The following DYNC2I1 variants were observed in gnomAD, a reference collection of about 807,000 sequenced individuals.
DYNC2I1 encodes cytoplasmic dynein 2 intermediate chain 1.
A neutral mutation model predicts 133.4 loss-of-function variants in DYNC2I1; 89 were observed. The ratio of observed to expected loss-of-function variants is 0.67; its 90% CI spans 0.56 to 0.80. The LOEUF (loss-of-function observed/expected upper bound fraction) is 0.80, where lower values mean the gene tolerates loss of function less well. DYNC2I1 is among the 30% of genes least tolerant of loss of function. The probability of loss-of-function intolerance (pLI) is 0.00; values close to 1 mark genes in which losing one functional copy is unlikely to be tolerated. For missense variants in DYNC2I1, 1,291 were observed against 1,314.5 expected (o/e 0.98, Z 0.28); for synonymous variants, 504 against 484.3 (o/e 1.04, Z -0.54).
the DYNC2I1 span, among the ~76,000 whole-genome samples, chr7:158,843,193 C>G: frequency 6.6e-6 from 1 of 152,162 alleles, no homozygotes; most frequent in East Asian, 1.9e-4. Context: ...CTCCCGGGTT[C>G]AAGTGATTCT....
chr7:158,920,729 C>T (rs999061361), intron 15 of DYNC2I1, among the ~76,000 whole-genome samples: 10 of 152,126 alleles, frequency 6.6e-5, no homozygotes, highest in Non-Finnish European at 1.2e-4. Flanking sequence ...ATTGAGATAG[C>T]AGAAGGAATA....
chr7:158,929,476 G>A (rs1387569112), intron 20 of DYNC2I1, among the ~76,000 whole-genome samples: 6 of 152,112 alleles, frequency 3.9e-5, no homozygotes, highest in African/African-American at 1.4e-4. Flanking sequence ...GGGCTATGGC[G>A]TGTAGGGGCC....
At chr7:158,917,957 C>G (rs1407385473) in intron 14 of DYNC2I1, among the ~76,000 whole-genome samples, 1 of 152,164 alleles carries the variant, frequency 6.6e-6, no homozygotes, top group African/African-American at 2.4e-5. Flanking sequence ...TCACATGAAA[C>G]ATTCTCTGCC....
chr7:158,913,081 A>G lies in DYNC2I1; in HGVS notation c.1687A>G (p.Thr563Ala), dbSNP rs1484415451. The change falls in exon 13 of 25, where the codon ACT becomes GCT. Residue 563 changes from threonine (T) to alanine (A), a missense_variant. Coordinates refer to ENST00000407559, the MANE Select transcript of DYNC2I1 (RefSeq NM_018051.5). ...GTGGACCCAGCACCCGGGAGAAAGT[A>G]CTGTTGTATCTGGAGGTAACATCTT... ...EVWTQHPGES[T>A]VVSGGSEQRD... is the part of the protein sequence containing the mutation. 19 of 1,612,766 alleles carry G rather than the reference A, an allele frequency of 1.2e-5. No individual in the cohort carries two copies. Among genetic ancestry groups the G allele is most frequent in the South Asian group, 3.3e-5 (3 of 90,904 alleles).
At chr7:158,938,249 G>C (rs889288497) in intron 23 of DYNC2I1, among the ~76,000 whole-genome samples, 3 of 152,184 alleles carry the variant, frequency 2.0e-5, no homozygotes, top group Admixed American at 6.5e-5. Flanking sequence ...ACATATAAAG[G>C]AGTTCCAGTT....
the DYNC2I1 span, among the ~76,000 whole-genome samples, chr7:158,848,288 T>C: frequency 6.6e-6 from 1 of 152,166 alleles, no homozygotes; most frequent in African/African-American, 2.4e-5. Flanking sequence ...ATGTAAACCA[T>C]GTGGGACTGG....
chr7:158,857,761 C>T (rs1419559402), intron 1 of DYNC2I1, among the ~76,000 whole-genome samples: 5 of 143,892 alleles, frequency 3.5e-5, no homozygotes, highest in Admixed American at 6.9e-5. Flanking sequence ...TGGTCTTGAT[C>T]TCCTGACTTC....
the DYNC2I1 span, among the ~76,000 whole-genome samples, chr7:158,849,491 T>C: frequency 6.6e-6 from 1 of 152,162 alleles, no homozygotes; most frequent in Non-Finnish European, 1.5e-5. Flanking sequence ...AAGAATGAGG[T>C]ACACAGACAA....
intron 21 of DYNC2I1, among the ~76,000 whole-genome samples, chr7:158,931,989 G>A (rs1166751599): frequency 1.3e-5 from 2 of 152,206 alleles, no homozygotes; most frequent in Admixed American, 6.5e-5. Flanking sequence ...GAATGGGGCC[G>A]AGAGGAGGAG....
intron 8 of DYNC2I1, among the ~76,000 whole-genome samples, chr7:158,892,209 A>C (rs1435269193): frequency 6.6e-6 from 1 of 152,170 alleles, no homozygotes; most frequent in Non-Finnish European, 1.5e-5. Flanking sequence ...ACTTGACTAA[A>C]AGCCACTGGG....
chr7:158,951,479 G>C (rs1042953589), intron 4 of DYNC2I1, among the ~76,000 whole-genome samples: 1 of 152,246 alleles, frequency 6.6e-6, no homozygotes, highest in Non-Finnish European at 1.5e-5. Context: ...TGCAGGTGCT[G>C]GGAGCGTGAG....
chr7:158,881,125 G>A (rs1192156036), intron 5 of DYNC2I1, among the ~76,000 whole-genome samples: 1 of 152,256 alleles, frequency 6.6e-6, no homozygotes, highest in Non-Finnish European at 1.5e-5. Flanking sequence ...GTCGTGTTAG[G>A]AGCAGAAGCT....
Position 158,923,680 on chromosome 7 carries a change from CTG to C in DYNC2I1, c.2207_2208del (p.Val736AspfsTer68). 1.2e-6 allele frequency: 2 copies of C among 1,614,020 alleles called. No homozygotes were observed. The highest frequency in any genetic ancestry group is 1.1e-5 in the South Asian group (1 of 91,078). On this transcript the variant is annotated frameshift_variant, in exon 17 of 25. Transcript: ENST00000407559. LOFTEE classifies it high-confidence loss of function. ...AGAGAAGACTCAAGGCTGCATTACTCTGTGACGCTGAGCGATGGCTTCTGGAC... is the reference window on the plus strand; with the variant it reads ...AGAGAAGACTCAAGGCTGCATTACTCTGACGCTGAGCGATGGCTTCTGGAC...
chr7:158,932,027 A>G (rs2730244), intron 21 of DYNC2I1, among the ~76,000 whole-genome samples: 101,195 of 151,940 alleles, frequency 0.67, 34,013 homozygotes, highest in Non-Finnish European at 0.71. Context: ...TCCCACGGCC[A>G]ACTCCCCAGG....
intron 3 of DYNC2I1, 36 bp downstream of exon 3, chr7:158,871,598 A>G (rs1359570426): frequency 2.0e-6 from 3 of 1,492,872 alleles, no homozygotes; most frequent in Non-Finnish European, 2.7e-6. Context: ...GTTCCACCCG[A>G]GGTGCCGCGT....
At chr7:158,919,060 A>G (rs1275789001) in intron 15 of DYNC2I1, among the ~76,000 whole-genome samples, 191 bp downstream of exon 15, 3 of 152,212 alleles carry the variant, frequency 2.0e-5, no homozygotes, top group Admixed American at 2.0e-4. Flanking sequence ...TAAATTTGTG[A>G]TTAAGGATTT....
chr7:158,898,414 C>G (rs1276310948), intron 8 of DYNC2I1, among the ~76,000 whole-genome samples: 5 of 152,186 alleles, frequency 3.3e-5, no homozygotes, highest in Non-Finnish European at 7.3e-5. Context: ...TAATTTGACC[C>G]TCACACATAT....
At chr7:158,921,568 C>G (rs1849096736) in intron 15 of DYNC2I1, among the ~76,000 whole-genome samples, 1 of 152,016 alleles carries the variant, frequency 6.6e-6, no homozygotes, top group South Asian at 2.1e-4. Context: ...GGAAGTGGCC[C>G]CAGAAGGCTG....
chr7:158,909,434 A>G (rs1271241780), intron 11 of DYNC2I1, among the ~76,000 whole-genome samples: 1 of 152,100 alleles, frequency 6.6e-6, no homozygotes, highest in African/African-American at 2.4e-5. Context: ...CATAGGCAGC[A>G]TTCTATCAGG....
Sources: gnomAD v4.1 joint callset for allele counts (sites outside exome capture counted in the v4.1 genomes callset) on GRCh38, gnomAD v4.1.1 for gene constraint, MANE v1.5 for transcripts, NCBI Gene and HGNC (gene_info 2026-07-23, HGNC 2026-07-21) for gene names.